Variants in ADCY9 observed in about 807,000 individuals in gnomAD.
ADCY9 encodes the protein adenylate cyclase 9, also known as adenylate cyclase type 9.
A neutral mutation model predicts 101.5 loss-of-function variants in ADCY9; 50 were observed. That is an observed-to-expected ratio of 0.49 (90% confidence interval 0.39 to 0.62). The LOEUF is 0.62. Ranked by LOEUF, ADCY9 falls within the 20% of genes least tolerant of loss-of-function variation. The pLI is 0.00. For synonymous variants in ADCY9, 905 were observed against 769.3 expected (o/e 1.18, Z -2.92); for missense variants, 1,662 against 1,800.4 (o/e 0.92, Z 1.39).
intron 7 of ADCY9, chr16:3,982,943 C>T (rs1213869709): frequency 2.1e-6 from 1 of 475,218 alleles, no homozygotes; most frequent in Admixed American, 3.6e-5. Context: ...ATCTTCTCAC[C>T]TTCTCCTTTG....
At position 3,993,483 on chromosome 16, in the gene ADCY9, C is replaced by T. The variant is rs1467317181; in HGVS notation, c.1912G>A (p.Ala638Thr). ...TCGGCGCCGGCTTCAGATTTGGGAG[C>T]AAATGTGATTCCGCACGAAGGGCAG... ...KTCPSCGITF[A>T]PKSEAGAEGG... The change falls in exon 4 of 11, where the codon GCT becomes ACT. Residue 638 changes from alanine to threonine, a missense_variant. Physicochemically the swap from Ala to Thr is moderately conservative, Grantham distance 58 (BLOSUM62 0). Coordinates refer to ENST00000294016, the MANE Select transcript of ADCY9 (RefSeq NM_001116.4). 6.2e-7 allele frequency: 1 copy of T among 1,614,028 alleles called. No individual in the cohort carries two copies. The highest frequency in any genetic ancestry group is 2.2e-5 in the East Asian group (1 of 44,888).
At chr16:4,045,865 CTTTCTT>C (rs1420472934) in intron 2 of ADCY9, among the ~76,000 whole-genome samples, 3 of 111,334 alleles carry the variant, frequency 2.7e-5, no homozygotes, top group African/African-American at 9.4e-5. Context: ...TGCTTTTTTT[CTTTCTT>C]TTTTTTTTTT....
intron 2 of ADCY9, among the ~76,000 whole-genome samples, chr16:4,069,553 T>A (rs1408954129): frequency 6.6e-6 from 1 of 152,092 alleles, no homozygotes; most frequent in Non-Finnish European, 1.5e-5. Context: ...AAATGGAATA[T>A]ATTCTATCAG....
At chr16:4,069,571 T>G (rs2056821011) in intron 2 of ADCY9, among the ~76,000 whole-genome samples, 1 of 152,142 alleles carries the variant, frequency 6.6e-6, no homozygotes, top group East Asian at 1.9e-4. Flanking sequence ...CAGGGTGACT[T>G]ACCAGAGTTA....
chr16:3,997,373 C>T (rs1254470361), intron 3 of ADCY9, among the ~76,000 whole-genome samples: 3 of 152,226 alleles, frequency 2.0e-5, no homozygotes. Context: ...CGGTGCAGCC[C>T]GGGCATGCCC....
intron 9 of ADCY9, among the ~76,000 whole-genome samples, 164 bp from the exon 10 acceptor site, chr16:3,974,874 A>G (rs1209951273): frequency 2.0e-5 from 3 of 152,116 alleles, no homozygotes; most frequent in Non-Finnish European, 2.9e-5. Flanking sequence ...GTGTCTCCCA[A>G]TGCTGGGGGC....
intron 3 of ADCY9, among the ~76,000 whole-genome samples, chr16:3,995,573 A>G (rs1280199716): frequency 6.6e-6 from 1 of 152,050 alleles, no homozygotes. Context: ...ACAGCTTCCA[A>G]TGAAGAAGAC....
At chr16:3,985,203 G>A (rs190350935) in intron 6 of ADCY9, among the ~76,000 whole-genome samples, 13 of 134,406 alleles carry the variant, frequency 9.7e-5, no homozygotes, top group South Asian at 4.5e-4. Flanking sequence ...GCAGTGGCGC[G>A]ATCTTGGCTC....
chr16:3,965,682 G>T lies in ADCY9; in HGVS notation c.*93C>A. ...ACCACATAACACCACGTCCGGGGAG[G>T]GCAACTGTGGCGCTTGGAAAGCACA... On this transcript the variant is annotated 3_prime_UTR_variant, in exon 11 of 11. Transcript: ENST00000294016. 1 of 1,194,132 alleles carries T rather than the reference G, an allele frequency of 8.4e-7. No individual in the cohort carries two copies. Among genetic ancestry groups the T allele is most frequent in the Non-Finnish European group, 1.2e-6 (1 of 843,936 alleles). 74.0% of individuals were successfully genotyped at this position (1,194,132 alleles called of 1,614,324 possible).
intron 5 of ADCY9, among the ~76,000 whole-genome samples, chr16:3,990,088 GA>G (rs1367866127): frequency 1.3e-5 from 2 of 152,140 alleles, no homozygotes; most frequent in Non-Finnish European, 2.9e-5. Flanking sequence ...AAAATTACTA[GA>G]AACTAAGGGA....
At chr16:4,055,169 CG>C (rs2056729020) in intron 2 of ADCY9, among the ~76,000 whole-genome samples, 1 of 152,128 alleles carries the variant, frequency 6.6e-6, no homozygotes, top group Non-Finnish European at 1.5e-5. Context: ...TCTTCCACAC[CG>C]GGAAGGGCCC....
Position 4,007,502 on chromosome 16 carries a change from C to T in ADCY9, c.1750G>A (p.Ala584Thr). 2 of 1,614,086 alleles carry T rather than the reference C, an allele frequency of 1.2e-6. No homozygotes were observed. The highest frequency in any genetic ancestry group is 1.7e-6 in the Non-Finnish European group (2 of 1,180,008). ...TCAAAGCCAGAAAGCAAGGCCTCTG[C>T]ACAGCTGCAGCGAGACTCCTTGGCT... ...QRAKESRCSCAEALLSGFEVI... is the reference protein window; with the variant it reads ...QRAKESRCSCTEALLSGFEVI... Residue 584 changes from alanine to threonine, a missense_variant, in exon 3 of 11, where the codon GCA becomes ACA. By Grantham distance (58) the Ala-to-Thr change is moderately conservative. Around this residue, in one of 5 missense-constraint regions of ADCY9, gnomAD observed 624 missense variants for 639.1 expected, o/e 0.98. Transcript: ENST00000294016.
intron 3 of ADCY9, among the ~76,000 whole-genome samples, chr16:3,996,203 A>G (rs546302953): frequency 6.6e-6 from 1 of 152,258 alleles, no homozygotes; most frequent in African/African-American, 2.4e-5. Flanking sequence ...TCTACTAAAA[A>G]TAAAACCAAT....
chr16:4,087,220 T>C (rs548011592), intron 2 of ADCY9, among the ~76,000 whole-genome samples: 9 of 152,080 alleles, frequency 5.9e-5, no homozygotes, highest in South Asian at 2.1e-4. Context: ...GATTCGTTTG[T>C]TCTGTAACAT....
chr16:4,034,841 G>A (rs185199770), intron 2 of ADCY9, among the ~76,000 whole-genome samples: 38 of 152,260 alleles, frequency 2.5e-4, no homozygotes, highest in African/African-American at 8.2e-4. Context: ...CTATGAAGGC[G>A]GGCTGTGGAC....
intron 2 of ADCY9, among the ~76,000 whole-genome samples, chr16:4,071,932 T>C (rs1201504802): frequency 1.3e-5 from 2 of 152,162 alleles, no homozygotes; most frequent in African/African-American, 4.8e-5. Context: ...CGCCTCAGCC[T>C]CCTGAGTAGC....
At chr16:3,971,147 A>G (rs1240427910) in intron 10 of ADCY9, among the ~76,000 whole-genome samples, 2 of 152,004 alleles carry the variant, frequency 1.3e-5, no homozygotes, top group African/African-American at 4.8e-5. Flanking sequence ...AACAGCCCCT[A>G]ATACAAGCCT....
chr16:4,081,871 AG>A (rs1254537416), intron 2 of ADCY9, among the ~76,000 whole-genome samples: 6 of 49,990 alleles, frequency 1.2e-4, no homozygotes, highest in Non-Finnish European at 2.2e-4. Flanking sequence ...AGAGCAAGAA[AG>A]GGGGCGGCGG....
At chr16:3,994,067 T>A (rs1055700939) in intron 3 of ADCY9, among the ~76,000 whole-genome samples, 1 of 152,102 alleles carries the variant, frequency 6.6e-6, no homozygotes, top group South Asian at 2.1e-4. Flanking sequence ...GACGCTGAAA[T>A]CCTAATTCCC....
Sources: allele counts gnomAD v4.1 joint callset (sites outside exome capture counted in the v4.1 genomes callset), GRCh38; gene constraint gnomAD v4.1.1; regional missense constraint gnomAD v4.1.1; transcripts MANE v1.5; gene names NCBI Gene and HGNC (gene_info 2026-07-23, HGNC 2026-07-21).